The following FAM180A variants were observed in gnomAD, a reference collection of about 807,000 sequenced individuals.
FAM180A encodes the protein protein FAM180A.
Under a neutral mutation model 15.3 loss-of-function variants are expected in FAM180A, and 14 were observed. That is an observed-to-expected ratio of 0.92 (90% CI 0.61 to 1.43). The LOEUF is 1.43. FAM180A is among the 40% of genes most tolerant of loss of function. The pLI, the probability that FAM180A is intolerant of heterozygous loss-of-function variation, is 0.00. For missense variants in FAM180A, 200 were observed against 220.8 expected, an observed-to-expected ratio of 0.91 and a Z score of 0.60; for synonymous variants, 90 against 96.8, an observed-to-expected ratio of 0.93 and a Z score of 0.41.
intron 2 of FAM180A, among the ~76,000 whole-genome samples, chr7:135,734,798 T>C (rs753304118): frequency 1.3e-4 from 20 of 152,230 alleles, no homozygotes; most frequent in Non-Finnish European, 2.8e-4. Context: ...TGAGACTGGA[T>C]TGGGCTGTGG....
chr7:135,730,304 G>A (rs975177389), intron 3 of FAM180A, 23 bp from the exon 4 acceptor site: 159 of 959,860 alleles, frequency 1.7e-4, no homozygotes, highest in Non-Finnish European at 1.9e-4. Context: ...CATTTTGGGA[G>A]GCTGAGGCAG....
At position 135,734,236 on chromosome 7, in the gene FAM180A, T is replaced by C. The variant is rs2129495937; in HGVS notation, c.261A>G (p.Ser87=). 1 of 1,614,174 alleles carries C rather than the reference T, an allele frequency of 6.2e-7. No homozygotes were observed. The change falls in exon 3 of 4, where the codon TCA becomes TCG. Residue 87 remains serine, a synonymous_variant. Transcript: ENST00000338588. ...CGTTGTTGCAGACGGTGCGGAAGTC[T>C]GAGGCCTTCCGCAAGGAGGCCAGCT... The part of the protein sequence containing the change: ...DEELASLRKA[S]DFRTVCNNVI...
chr7:135,733,495 C>T (rs989249449), intron 3 of FAM180A, 151 bp downstream of exon 3: 25 of 229,166 alleles, frequency 1.1e-4, no homozygotes, highest in Non-Finnish European at 1.6e-4. Flanking sequence ...TACAGGTGTG[C>T]GCCACCACGT....
At chr7:135,736,122 C>A (rs1796867098) in intron 2 of FAM180A, among the ~76,000 whole-genome samples, 5 of 150,448 alleles carry the variant, frequency 3.3e-5, no homozygotes, top group East Asian at 2.0e-4. Context: ...TCCCGGGTTC[C>A]AGTGATTCTC....
At chr7:135,737,916 A>T (rs1301028762) in intron 1 of FAM180A, among the ~76,000 whole-genome samples, 1 of 152,256 alleles carries the variant, frequency 6.6e-6, no homozygotes. Context: ...AAAGCCCCAA[A>T]GTCAGTAAGT....
At chr7:135,745,880 T>TG (rs910585538) in intron 1 of FAM180A, among the ~76,000 whole-genome samples, 2 of 147,560 alleles carry the variant, frequency 1.4e-5, no homozygotes, top group African/African-American at 5.1e-5. Flanking sequence ...GGAGGTAGGG[T>TG]GGGGGTAAGG....
chr7:135,748,043 C>A (rs1797055081), intron 1 of FAM180A, among the ~76,000 whole-genome samples: 1 of 152,174 alleles, frequency 6.6e-6, no homozygotes, highest in Non-Finnish European at 1.5e-5. Flanking sequence ...AGAGATGCAT[C>A]CCCTCCCGGT....
intron 2 of FAM180A, 102 bp downstream of exon 2, chr7:135,736,997 C>T (rs1796881120): frequency 5.6e-6 from 5 of 888,254 alleles, no homozygotes; most frequent in Admixed American, 4.0e-5. Flanking sequence ...AGGGGTCACT[C>T]ATGGTCAGGG....
intron 1 of FAM180A, 144 bp from the exon 2 acceptor site, chr7:135,737,343 T>C: frequency 1.6e-6 from 1 of 616,944 alleles, no homozygotes; most frequent in South Asian, 2.2e-5. Context: ...TTCCAGCCCT[T>C]TGGGAGGCCG....
intron 3 of FAM180A, among the ~76,000 whole-genome samples, chr7:135,732,892 A>G (rs1014916354): frequency 2.6e-5 from 4 of 152,250 alleles, no homozygotes; most frequent in African/African-American, 9.6e-5. Context: ...TTTTATTTGG[A>G]GCATTTAGTT....
intron 1 of FAM180A, among the ~76,000 whole-genome samples, chr7:135,743,385 A>AT (rs1021829598): frequency 3.3e-5 from 5 of 151,354 alleles, no homozygotes; most frequent in Non-Finnish European, 5.9e-5. Flanking sequence ...ATTTTATTTT[A>AT]TTTTTTTTAA....
chr7:135,734,237 G>A lies in FAM180A; in HGVS notation c.260C>T (p.Ser87Leu), dbSNP rs1001328413. The change falls in exon 3 of 4, where the codon TCA becomes TTA. Residue 87 changes from serine (S) to leucine (L), a missense_variant. Transcript: ENST00000338588. ...GTTGTTGCAGACGGTGCGGAAGTCT[G>A]AGGCCTTCCGCAAGGAGGCCAGCTC... Reference protein sequence around the residue: ...DEELASLRKASDFRTVCNNVI... With the variant: ...DEELASLRKALDFRTVCNNVI... 6 of 1,614,082 alleles carry A rather than the reference G, an allele frequency of 3.7e-6. No homozygotes were observed. In the Admixed American group the frequency reaches 6.7e-5, roughly 18 times the overall value.
At chr7:135,745,194 C>T (rs2129496266) in intron 1 of FAM180A, among the ~76,000 whole-genome samples, 1 of 152,234 alleles carries the variant, frequency 6.6e-6, no homozygotes, top group Non-Finnish European at 1.5e-5. Context: ...CAGGCCTTTC[C>T]CTCATGGAAC....
chr7:135,730,491 C>T (rs981527015), intron 3 of FAM180A, among the ~76,000 whole-genome samples: 2 of 152,144 alleles, frequency 1.3e-5, no homozygotes, highest in African/African-American at 4.8e-5. Context: ...TGCCACTGCA[C>T]TCCAGCCTGG....
rs950231011 is a variant in FAM180A at position 135,729,693 on chromosome 7, C to T, written c.*918G>A. On this transcript the variant is annotated 3_prime_UTR_variant, in exon 4 of 4. Transcript: ENST00000338588. ...AGTGTACAATAAGACCAGTAGTTCT[C>T]CTTCAGAACTCTACCCATTTTTCAG... 4 of 983,462 alleles carry T rather than the reference C, an allele frequency of 4.1e-6. No individual in the cohort carries two copies. Among genetic ancestry groups the T allele is most frequent in the South Asian group, 4.7e-5 (1 of 21,234 alleles). 60.9% of individuals were successfully genotyped at this position (983,462 alleles called of 1,614,324 possible). A position where few individuals can be genotyped will look rare whatever the true frequency, so the allele number is the denominator to read the frequency against.
rs1796761435 is a variant in FAM180A at position 135,730,160 on chromosome 7, T to G, written c.*451A>C. 2.0e-6 allele frequency: 2 copies of G among 985,284 alleles called. No homozygotes were observed. Among genetic ancestry groups the G allele is most frequent in the Non-Finnish European group, 2.4e-6 (2 of 829,918 alleles). The allele number at this position is 985,284 out of a possible 1,614,324, so 61.0% of individuals were successfully genotyped here. On this transcript the variant is annotated 3_prime_UTR_variant, in exon 4 of 4. Transcript: ENST00000338588. Reference sequence around the variant, plus strand: ...AAGGTGAGGTGACAGAGCAATGAAGTCTGCAGCAGTTAAATGTCTGTTGAT... The same window carrying G: ...AAGGTGAGGTGACAGAGCAATGAAGGCTGCAGCAGTTAAATGTCTGTTGAT...
intron 1 of FAM180A, among the ~76,000 whole-genome samples, chr7:135,745,721 C>CT (rs1240648076): frequency 6.7e-6 from 1 of 150,348 alleles, no homozygotes; most frequent in African/African-American, 2.5e-5. Context: ...GGGTTTACAT[C>CT]TACATTTACA....
intron 2 of FAM180A, among the ~76,000 whole-genome samples, chr7:135,734,629 G>A (rs1796844941): frequency 6.6e-6 from 1 of 152,128 alleles, no homozygotes; most frequent in Non-Finnish European, 1.5e-5. Context: ...GTATTTAAGG[G>A]ACTAATTATA....
chr7:135,745,047 C>T (rs1304608559), intron 1 of FAM180A, among the ~76,000 whole-genome samples: 1 of 152,112 alleles, frequency 6.6e-6, no homozygotes, highest in Non-Finnish European at 1.5e-5. Context: ...CCACCTTAAC[C>T]TTCTGAGTAG....
Sources: gnomAD v4.1 joint callset for allele counts (sites outside exome capture counted in the v4.1 genomes callset) on GRCh38, gnomAD v4.1.1 for gene constraint, MANE v1.5 for transcripts, NCBI Gene and HGNC (gene_info 2026-07-23, HGNC 2026-07-21) for gene names.